Variants in PBRM1 observed in about 807,000 individuals in gnomAD.
PBRM1 encodes protein polybromo-1.
Under a neutral mutation model 194.5 loss-of-function variants are expected in PBRM1, and 27 were observed. The observed-to-expected ratio is 0.14, with a 90% confidence interval of 0.10 to 0.19. The LOEUF is 0.19. PBRM1 is among the 10% of genes least tolerant of loss of function. PBRM1 has a pLI of 1.00. For synonymous variants in PBRM1, 655 were observed against 693.2 expected, an observed-to-expected ratio of 0.94 and a Z score of 0.87; for missense variants, 1,466 against 2,077.2, an observed-to-expected ratio of 0.71 and a Z score of 5.72.
At chr3:52,568,096 A>C (rs547019106) in intron 22 of PBRM1, among the ~76,000 whole-genome samples, 4 of 151,852 alleles carry the variant, frequency 2.6e-5, no homozygotes, top group Non-Finnish European at 5.9e-5. Context: ...CTCCTGCTTC[A>C]GTCTCCCAGG....
At chr3:52,665,584 C>G (rs1273462730) in intron 3 of PBRM1, among the ~76,000 whole-genome samples, 1 of 152,202 alleles carries the variant, frequency 6.6e-6, no homozygotes, top group Non-Finnish European at 1.5e-5. Flanking sequence ...GCATTATCGC[C>G]TGAGCTCCTC....
At chr3:52,576,649 T>A in exon 22 of PBRM1, 1 of 1,610,188 alleles carries the variant, frequency 6.2e-7, no homozygotes, top group South Asian at 1.1e-5. Context: ...TGAATGAAGA[T>A]GGGGCCATAA....
rs189133265 is a variant in PBRM1 at position 52,562,048 on chromosome 3, G to A, written c.4087-80C>T. On this transcript the variant is annotated intron_variant, in intron 24 of 29. Coordinates refer to ENST00000296302, the Ensembl canonical transcript of PBRM1. The stretch of plus-strand genomic sequence containing the variant: ...TCAAAATTTCAGAAGCCAGCCGGGC[G>A]CGGTGGCTCACACCTGTAATCCCAG... The A allele has an allele frequency of 6.1e-3, 6,811 of 1,112,092 alleles. 60 individuals carry two copies. The highest frequency in any genetic ancestry group is 0.025 in the South Asian group (1,988 of 79,748). The allele number at this position is 1,112,092 out of a possible 1,614,324, so 68.9% of individuals were successfully genotyped here. A position where few individuals can be genotyped will look rare whatever the true frequency, so the allele number is the denominator to read the frequency against.
At chr3:52,596,793 G>T (rs964207878) in intron 17 of PBRM1, among the ~76,000 whole-genome samples, 2 of 152,100 alleles carry the variant, frequency 1.3e-5, no homozygotes, top group African/African-American at 4.8e-5. Context: ...AGCTGCCCAG[G>T]GTTGGGGAGG....
chr3:52,671,107 C>T (rs558048058), intron 2 of PBRM1, among the ~76,000 whole-genome samples: 66 of 152,312 alleles, frequency 4.3e-4, no homozygotes, highest in Middle Eastern at 3.4e-3. Flanking sequence ...ACCTTGACAA[C>T]TTCACAGAAC....
chr3:52,658,179 T>C lies in PBRM1; in HGVS notation c.645+20A>G. 8.8e-7 allele frequency: 1 copy of C among 1,137,742 alleles called. No homozygotes were observed. The highest frequency in any genetic ancestry group is 1.3e-6 in the Non-Finnish European group (1 of 746,594). The allele number at this position is 1,137,742 out of a possible 1,614,324, so 70.5% of individuals were successfully genotyped here. A position where few individuals can be genotyped will look rare whatever the true frequency, so the allele number is the denominator to read the frequency against. ...AAAACAAAACACTGACATGTACCTG[T>C]TTTTAACTGCATCACTTACCACTTT... is the stretch of plus-strand genomic sequence containing the variant. On this transcript the variant is annotated intron_variant, in intron 5 of 29. Transcript: ENST00000296302.
At chr3:52,627,498 GA>G in intron 12 of PBRM1, 128 bp from the exon 14 acceptor site, 1 of 597,244 alleles carries the variant, frequency 1.7e-6, no homozygotes, top group Non-Finnish European at 3.0e-6. Flanking sequence ...TGTACAAAAT[GA>G]AAGAGTCATT....
chr3:52,547,639 T>C (rs1037545993), downstream of PBRM1: 50 of 233,974 alleles, frequency 2.1e-4, no homozygotes, highest in African/African-American at 1.1e-3. Flanking sequence ...TAAACTAATC[T>C]GTAAACTCTT....
intron 22 of PBRM1, among the ~76,000 whole-genome samples, chr3:52,566,720 T>C (rs1393020668): frequency 6.6e-6 from 1 of 152,214 alleles, no homozygotes; most frequent in Non-Finnish European, 1.5e-5. Flanking sequence ...GAAAAAATTC[T>C]AGAAATGAAC....
At chr3:52,628,712 T>G (rs968747671) in intron 12 of PBRM1, among the ~76,000 whole-genome samples, 182 bp downstream of exon 13, 3 of 151,998 alleles carry the variant, frequency 2.0e-5, no homozygotes, top group African/African-American at 7.2e-5. Flanking sequence ...GCTCTAGTGA[T>G]TCTCTCACCT....
intron 20 of PBRM1, among the ~76,000 whole-genome samples, chr3:52,582,597 G>A (rs2153718082): frequency 6.6e-6 from 1 of 151,746 alleles, no homozygotes; most frequent in African/African-American, 2.4e-5. Context: ...AAAGTGCTGG[G>A]ATTACAGGTG....
intron 20 of PBRM1, among the ~76,000 whole-genome samples, chr3:52,581,026 T>TATATTAACTCCAAAAC (rs2091023621): frequency 6.6e-6 from 1 of 152,220 alleles, no homozygotes; most frequent in Non-Finnish European, 1.5e-5. Flanking sequence ...ATGTTATAAA[T>TATATTAACTCCAAAAC]ATATTAACTC....
At chr3:52,601,354 G>A (rs2093979170) in intron 17 of PBRM1, among the ~76,000 whole-genome samples, 2 of 152,150 alleles carry the variant, frequency 1.3e-5, no homozygotes, top group African/African-American at 4.8e-5. Flanking sequence ...AAGAGATGAG[G>A]GTTGGGTGGG....
At chr3:52,633,666 A>G (rs2095697378) in intron 11 of PBRM1, among the ~76,000 whole-genome samples, 1 of 152,182 alleles carries the variant, frequency 6.6e-6, no homozygotes, top group Non-Finnish European at 1.5e-5. Flanking sequence ...ATACACACCA[A>G]TAATTATTAT....
intron 17 of PBRM1, among the ~76,000 whole-genome samples, chr3:52,594,178 A>G (rs1235815755): frequency 1.3e-5 from 2 of 152,042 alleles, no homozygotes; most frequent in Non-Finnish European, 2.9e-5. Context: ...CACTATACCC[A>G]GGCCTTTTTC....
intron 22 of PBRM1, among the ~76,000 whole-genome samples, chr3:52,566,620 C>CA (rs1393081198): frequency 6.6e-6 from 1 of 151,574 alleles, no homozygotes; most frequent in African/African-American, 2.4e-5. Flanking sequence ...AATTCATGAA[C>CA]AAAAAAAGTA....
At chr3:52,615,015 C>T (rs1319626265) in intron 15 of PBRM1, among the ~76,000 whole-genome samples, 1 of 152,094 alleles carries the variant, frequency 6.6e-6, no homozygotes, top group Non-Finnish European at 1.5e-5. Context: ...TAGTAATTGT[C>T]AGACATACAT....
chr3:52,648,259 A>G (rs1042255704), intron 7 of PBRM1, 85 bp downstream of exon 8: 4 of 783,434 alleles, frequency 5.1e-6, no homozygotes, highest in African/African-American at 3.5e-5. Flanking sequence ...TTATATCTCA[A>G]TAAAGTTGTT....
At chr3:52,559,118 G>A (rs1343782752) in intron 25 of PBRM1, among the ~76,000 whole-genome samples, 1 of 152,132 alleles carries the variant, frequency 6.6e-6, no homozygotes, top group Non-Finnish European at 1.5e-5. Flanking sequence ...TGTAGCAATG[G>A]ACAATGTACT....
Sources: allele counts gnomAD v4.1 joint callset (sites outside exome capture counted in the v4.1 genomes callset), GRCh38; gene constraint gnomAD v4.1.1; transcripts MANE v1.5; gene names NCBI Gene and HGNC (gene_info 2026-07-23, HGNC 2026-07-21).